TTYH1: variants seen among roughly 807,000 people sequenced by gnomAD.
TTYH1 encodes protein tweety homolog 1.
In TTYH1, 33 loss-of-function variants were observed where a neutral mutation model predicts 61.2. The ratio of observed to expected loss-of-function variants is 0.54; its 90% CI spans 0.41 to 0.72. TTYH1 has a LOEUF of 0.72. TTYH1 is among the 30% of genes least tolerant of loss of function. The pLI, the probability that TTYH1 is intolerant of heterozygous loss-of-function variation, is 0.00. For synonymous variants in TTYH1, 308 were observed against 266.4 expected, an observed-to-expected ratio of 1.16 and a Z score of -1.52; for missense variants, 538 against 575.8, an observed-to-expected ratio of 0.93 and a Z score of 0.67.
Position 54,435,667 on chromosome 19 carries a change from G to T in TTYH1, c.1251G>T (p.Trp417Cys). ...CCCTCTGCAGCCTGCCCCGAGCCTG[G>T]GCCCTCTTCCCACCCAGGTCAGGAG... ...ATALCSLPRA[W>C]ALFPPSDDYD... The change falls in exon 11 of 14, where the codon TGG becomes TGT. Residue 417 changes from tryptophan (W) to cysteine (C), a missense_variant. Transcript: ENST00000376530. 8 of 1,610,318 alleles carry T rather than the reference G, an allele frequency of 5.0e-6. No individual in the cohort carries two copies. Among genetic ancestry groups the T allele is most frequent in the Non-Finnish European group, 6.8e-6 (8 of 1,178,448 alleles).
rs1383762633 is a variant in TTYH1, at chr19:54,420,577, G to A, written c.306-700G>A. Reference sequence around the variant, plus strand: ...GGGGCGGGGACGGGAGGGGTCTGGGGCCCCACATTCAGGTCCCACAATGGA... The same window carrying A: ...GGGGCGGGGACGGGAGGGGTCTGGGACCCCACATTCAGGTCCCACAATGGA... On this transcript the variant is annotated intron_variant, in intron 2 of 13. Coordinates refer to ENST00000376530, the MANE Select transcript of TTYH1 (RefSeq NM_020659.4). This position sits in a 1 kb window ranked among gnomAD's most constrained non-coding sequence, Gnocchi z 4.8. The A allele has an allele frequency of 6.5e-6, 1 of 154,600 alleles. No homozygotes were observed. Among genetic ancestry groups the A allele is most frequent in the South Asian group, 2.1e-4 (1 of 4,798 alleles). The allele number at this position is 154,600 out of a possible 1,614,324, so 9.6% of individuals were successfully genotyped here. A position where few individuals can be genotyped will look rare whatever the true frequency, so the allele number is the denominator to read the frequency against.
intron 4 of TTYH1, 120 bp downstream of exon 4, chr19:54,422,530 G>T: frequency 1.2e-6 from 1 of 804,748 alleles, no homozygotes; most frequent in Non-Finnish European, 1.9e-6. Context: ...TGTGCGCACT[G>T]CTGGCATCCA....
At position 54,422,928 on chromosome 19, in the gene TTYH1, C is replaced by CAAAA. The variant is rs573699988; in HGVS notation, c.638+538_638+541dup. 1.7e-3 allele frequency among the ~76,000 whole-genome samples: 143 copies of CAAAA among 85,344 alleles called. 4 individuals carry two copies. In the South Asian group the frequency reaches 0.018, roughly 11 times the overall value. The allele number at this position is 85,344 out of a possible 152,430, so 56.0% of individuals were successfully genotyped here. A position where few individuals can be genotyped will look rare whatever the true frequency, so the allele number is the denominator to read the frequency against. ...TGGGCGATAGAGTGAGACTCCATCT[C>CAAAA]AAAAAAAAAAAAAAAAAAAAAAAGA... On this transcript the variant is annotated intron_variant, in intron 4 of 13. Transcript: ENST00000376530.
Position 54,416,590 on chromosome 19 carries a change from G to C in TTYH1, c.126+912G>C. On this transcript the variant is annotated intron_variant, in intron 1 of 13. Transcript: ENST00000376530. This position sits in a 1 kb window ranked among gnomAD's most constrained non-coding sequence, Gnocchi z 7.0. ...GGCCTGAGCCCCTGGGCTCCGTCTT[G>C]GGTTGCTCCTGGGAGAAGGGGGCTG... 1 of 446,870 alleles carries C rather than the reference G, an allele frequency of 2.2e-6. No individual in the cohort carries two copies. Among genetic ancestry groups the C allele is most frequent in the South Asian group, 2.0e-5 (1 of 50,166 alleles). 27.7% of individuals were successfully genotyped at this position (446,870 alleles called of 1,614,324 possible).
rs1338433811 is a variant in TTYH1, at chr19:54,422,475, T to C, written c.638+65T>C. Reference sequence around the variant, plus strand: ...TCAGGCGGAGTCCCCGGGGGGACAGTTGGCAATGCCTGGAGGCAGTTTTGG... The same window carrying C: ...TCAGGCGGAGTCCCCGGGGGGACAGCTGGCAATGCCTGGAGGCAGTTTTGG... On this transcript the variant is annotated intron_variant, in intron 4 of 13. Coordinates refer to ENST00000376530, the MANE Select transcript of TTYH1 (RefSeq NM_020659.4). 8.0e-6 allele frequency: 11 copies of C among 1,381,762 alleles called. No homozygotes were observed. The East Asian group carries it at 1.0e-4, about 13-fold the overall frequency. 85.6% of individuals were successfully genotyped at this position (1,381,762 alleles called of 1,614,324 possible). A position where few individuals can be genotyped will look rare whatever the true frequency, so the allele number is the denominator to read the frequency against.
Position 54,420,246 on chromosome 19 carries a change from C to A in TTYH1, c.305+940C>A, listed in dbSNP as rs1465450314. Among the ~76,000 whole-genome samples, 1 of 152,192 alleles carries A rather than the reference C, an allele frequency of 6.6e-6. No individual in the cohort carries two copies. Among genetic ancestry groups the A allele is most frequent in the East Asian group, 1.9e-4 (1 of 5,186 alleles). On this transcript the variant is annotated intron_variant, in intron 2 of 13. Coordinates refer to ENST00000376530, the MANE Select transcript of TTYH1 (RefSeq NM_020659.4). The surrounding 1 kb of genome is among the most constrained non-coding windows in gnomAD (Gnocchi z 4.8). ...TCCACAGACGGGGGGTCCCAGAGGG[C>A]CAGACGCCTGCCCCGGACCCACAGC...
At position 54,430,922 on chromosome 19, in the gene TTYH1, TC is replaced by T; in HGVS notation, c.1032+21del. 1.2e-6 allele frequency: 2 copies of T among 1,607,252 alleles called. No individual in the cohort carries two copies. ...TCAGCGCAGGTCGGTGGGTGGGCGC[TC>T]CCCAGACACGCGGACCCCACGGGGA... On this transcript the variant is annotated intron_variant, in intron 9 of 13. Coordinates refer to ENST00000376530, the MANE Select transcript of TTYH1 (RefSeq NM_020659.4).
Position 54,415,711 on chromosome 19 carries a change from G to T in TTYH1, c.126+33G>T. On this transcript the variant is annotated intron_variant, in intron 1 of 13. Transcript: ENST00000376530. This position sits in a 1 kb window ranked among gnomAD's most constrained non-coding sequence, Gnocchi z 5.2. ...CGGGCGCCAGGGCCTGGGGGCCAGG[G>T]CTGGGGGCCGGAGCTCCTGGGTCCC... 6.6e-7 allele frequency: 1 copy of T among 1,508,714 alleles called. No homozygotes were observed. The highest frequency in any genetic ancestry group is 2.5e-5 in the East Asian group (1 of 39,944). 93.5% of individuals were successfully genotyped at this position (1,508,714 alleles called of 1,614,324 possible).
At chr19:54,428,920 T>C (rs937890773) in intron 5 of TTYH1, among the ~76,000 whole-genome samples, 2 of 152,154 alleles carry the variant, frequency 1.3e-5, no homozygotes, top group Non-Finnish European at 2.9e-5. Context: ...GCCCTGGCAC[T>C]GTCTCCCATT....
chr19:54,429,245 G>C lies in TTYH1; in HGVS notation c.735-62G>C. 1 of 1,507,868 alleles carries C rather than the reference G, an allele frequency of 6.6e-7. No homozygotes were observed. The highest frequency in any genetic ancestry group is 9.2e-7 in the Non-Finnish European group (1 of 1,083,490). The allele number at this position is 1,507,868 out of a possible 1,614,324, so 93.4% of individuals were successfully genotyped here. The stretch of plus-strand genomic sequence containing the variant: ...GGGCGGCTGTGATGGGATTTGGGGT[G>C]TGGAAAGAGGCTAGGCTAGGAGATT... On this transcript the variant is annotated intron_variant, in intron 5 of 13. Transcript: ENST00000376530. The surrounding 1 kb of genome is among the most constrained non-coding windows in gnomAD (Gnocchi z 5.1).
Position 54,426,466 on chromosome 19 carries a change from G to T in TTYH1, c.639-207G>T. ...GTGCTCAGGACCTGTATTCTAAACC[G>T]CTCCAGTGTCCTGTCTCATGATAAC... On this transcript the variant is annotated intron_variant, in intron 4 of 13. Transcript: ENST00000376530. 5.0e-6 allele frequency: 3 copies of T among 602,462 alleles called. No individual in the cohort carries two copies. In the South Asian group the frequency reaches 6.1e-5, roughly 12 times the overall value. 37.3% of individuals were successfully genotyped at this position (602,462 alleles called of 1,614,324 possible).
At position 54,429,850 on chromosome 19, in the gene TTYH1, G is replaced by A. The variant is rs371200804; in HGVS notation, c.808-32G>A. 11 of 1,606,404 alleles carry A rather than the reference G, an allele frequency of 6.8e-6. No homozygotes were observed. In the African/African-American group the frequency reaches 1.3e-4, roughly 20 times the overall value. On this transcript the variant is annotated intron_variant, in intron 6 of 13. Coordinates refer to ENST00000376530, the MANE Select transcript of TTYH1 (RefSeq NM_020659.4). This position sits in a 1 kb window ranked among gnomAD's most constrained non-coding sequence, Gnocchi z 5.1. ...GGAGTGTGGAATCGGGGCAGTTTTG[G>A]GTTTGAGCCCCTTTTCTGCTGCCTC...
chr19:54,429,769 G>T lies in TTYH1; in HGVS notation c.808-113G>T. On this transcript the variant is annotated intron_variant, in intron 6 of 13. Transcript: ENST00000376530. The surrounding 1 kb of genome is among the most constrained non-coding windows in gnomAD (Gnocchi z 5.1). ...CCTGAGTCTGAGGGAAGAGGGGCTG[G>T]GACCTGGACCCCTGGGTGGGGAGGG... is the stretch of plus-strand genomic sequence containing the variant. 1 of 893,862 alleles carries T rather than the reference G, an allele frequency of 1.1e-6. No individual in the cohort carries two copies. The highest frequency in any genetic ancestry group is 1.8e-6 in the Non-Finnish European group (1 of 558,992). The allele number at this position is 893,862 out of a possible 1,614,324, so 55.4% of individuals were successfully genotyped here.
intron 10 of TTYH1, chr19:54,432,244 A>G (rs911553645): frequency 1.3e-5 from 2 of 152,564 alleles, no homozygotes; most frequent in African/African-American, 4.8e-5. Flanking sequence ...AAAACCAGTA[A>G]GAGCTGTTCT....
rs540330701 is a variant in TTYH1, at chr19:54,425,390, G to A, written c.639-1283G>A. Among the ~76,000 whole-genome samples the A allele has an allele frequency of 5.5e-4, 84 of 152,338 alleles. 2 individuals carry two copies. In the South Asian group the frequency reaches 0.016, roughly 29 times the overall value. ...GGGAGGGGACCCAAAGTGGGTAGCC[G>A]TTGCTGGCTGGAATGCCTGGGTTTC... On this transcript the variant is annotated intron_variant, in intron 4 of 13. Transcript: ENST00000376530.
Position 54,415,506 on chromosome 19 carries a change from C to T in TTYH1, c.-47C>T. On this transcript the variant is annotated 5_prime_UTR_variant, in exon 1 of 14. Transcript: ENST00000376530. The surrounding 1 kb of genome is among the most constrained non-coding windows in gnomAD (Gnocchi z 5.2). ...CCCGCGCCCCGCTCGACTCCGGAGG[C>T]TCCCGCAGCCCCGGCGTCCGCCCCG... 7.5e-7 allele frequency: 1 copy of T among 1,335,486 alleles called. No homozygotes were observed. The highest frequency in any genetic ancestry group is 9.5e-7 in the Non-Finnish European group (1 of 1,048,062). The allele number at this position is 1,335,486 out of a possible 1,614,324, so 82.7% of individuals were successfully genotyped here. A position where few individuals can be genotyped will look rare whatever the true frequency, so the allele number is the denominator to read the frequency against.
In TTYH1 at chr19:54,419,463, C is replaced by A. The variant is rs1372370831; in HGVS notation, c.305+157C>A. ...TGCCATTTGCAAGCCCACTTCAGCG[C>A]ACAGCAGGAAGGACTGTCCCATTTG... On this transcript the variant is annotated intron_variant, in intron 2 of 13. Coordinates refer to ENST00000376530, the MANE Select transcript of TTYH1 (RefSeq NM_020659.4). The surrounding 1 kb of genome is among the most constrained non-coding windows in gnomAD (Gnocchi z 6.1). 3.3e-5 allele frequency: 26 copies of A among 798,152 alleles called. No individual in the cohort carries two copies. Among genetic ancestry groups the A allele is most frequent in the Admixed American group, 8.0e-5 (4 of 50,092 alleles). The allele number at this position is 798,152 out of a possible 1,614,324, so 49.4% of individuals were successfully genotyped here. A position where few individuals can be genotyped will look rare whatever the true frequency, so the allele number is the denominator to read the frequency against.
intron 7 of TTYH1, 98 bp from the exon 8 acceptor site, chr19:54,430,452 C>A: frequency 1.5e-6 from 2 of 1,335,714 alleles, no homozygotes; most frequent in Non-Finnish European, 2.1e-6. Context: ...TGGGCTGAGG[C>A]CCCTAACCCT....
At position 54,429,785 on chromosome 19, in the gene TTYH1, G is replaced by A. The variant is rs2083398884; in HGVS notation, c.808-97G>A. ...GAGGGGCTGGGACCTGGACCCCTGG[G>A]TGGGGAGGGGAGCTGGGGAGCCAGG... On this transcript the variant is annotated intron_variant, in intron 6 of 13. Coordinates refer to ENST00000376530, the MANE Select transcript of TTYH1 (RefSeq NM_020659.4). The surrounding 1 kb of genome is among the most constrained non-coding windows in gnomAD (Gnocchi z 5.1). The A allele has an allele frequency of 9.4e-7, 1 of 1,062,962 alleles. No individual in the cohort carries two copies. The allele number at this position is 1,062,962 out of a possible 1,614,324, so 65.8% of individuals were successfully genotyped here.
Sources: gnomAD v4.1 joint callset for allele counts (sites outside exome capture counted in the v4.1 genomes callset) on GRCh38, gnomAD v4.1.1 for gene constraint, Gnocchi (gnomAD v3.1) non-coding constraint, MANE v1.5 for transcripts, NCBI Gene and HGNC (gene_info 2026-07-23, HGNC 2026-07-21) for gene names.